Variants in AATK observed in about 807,000 individuals in gnomAD.
AATK encodes the protein lemur tail kinase 1.
In AATK, 91 loss-of-function variants were observed where a neutral mutation model predicts 114.3. The observed-to-expected ratio is 0.80, with a 90% confidence interval of 0.67 to 0.95. The LOEUF is 0.95. Ranked by LOEUF, AATK falls within the 40% of genes least tolerant of loss-of-function variation. AATK has a pLI of 0.00. For synonymous variants in AATK, 1,075 were observed against 916.5 expected (o/e 1.17, Z -3.12); for missense variants, 2,176 against 1,965.2 (o/e 1.11, Z -2.03).
intron 1 of AATK, among the ~76,000 whole-genome samples, chr17:81,137,356 C>T (rs2061026901): frequency 6.6e-6 from 1 of 152,120 alleles, no homozygotes; most frequent in African/African-American, 2.4e-5. Context: ...CCAGTGCGCC[C>T]AGCCCTGTCC....
chr17:81,159,728 TC>T (rs1244563141), intron 1 of AATK, among the ~76,000 whole-genome samples: 1 of 151,374 alleles, frequency 6.6e-6, no homozygotes, highest in African/African-American at 2.4e-5. Flanking sequence ...GAGGACGGCA[TC>T]CCCAGCTCCA....
chr17:81,151,292 C>A lies in AATK; in HGVS notation c.55+14646G>T, dbSNP rs1449735206. Among the ~76,000 whole-genome samples the A allele has an allele frequency of 5.4e-5, 8 of 148,132 alleles. No individual in the cohort carries two copies. The South Asian group carries it at 1.8e-3, about 33-fold the overall frequency. ...CCCAGGCCCAGCCCCACCTGTCTCC[C>A]CCACCGACCCCTCCTGTCTCCCCCC... On this transcript the variant is annotated intron_variant, in intron 1 of 13. Transcript: ENST00000326724.
chr17:81,122,550 G>A lies in AATK; in HGVS notation c.1386C>T (p.Gly462=). ...TCTCGGTCACCGTCAGCACGTCGTC[G>A]CCGTCCGCGTGGAAGCCGTCGCCCG... is the stretch of plus-strand genomic sequence containing the variant. ...QFAGDGFHAD[G]DDVLTVTETS... Residue 462 remains glycine, a synonymous_variant, in exon 11 of 14, where the codon GGC becomes GGT. Coordinates refer to ENST00000326724, the MANE Select transcript of AATK (RefSeq NM_001080395.3). 2.7e-6 allele frequency: 4 copies of A among 1,475,528 alleles called. No homozygotes were observed. The highest frequency in any genetic ancestry group is 5.9e-5 in the East Asian group (2 of 33,992). 91.4% of individuals were successfully genotyped at this position (1,475,528 alleles called of 1,614,324 possible).
intron 2 of AATK, chr17:81,132,075 C>T (rs977969501): frequency 8.0e-7 from 1 of 1,249,058 alleles, no homozygotes; most frequent in Non-Finnish European, 1.1e-6. Flanking sequence ...GATACCCCAC[C>T]CCCAAGTCCA....
rs867234301 is a variant in AATK, at chr17:81,123,280, C to T, written c.1026G>A (p.Ser342=). The T allele has an allele frequency of 1.1e-5, 16 of 1,403,716 alleles. No homozygotes were observed. The highest frequency in any genetic ancestry group is 1.6e-5 in the South Asian group (1 of 63,292). 87.0% of individuals were successfully genotyped at this position (1,403,716 alleles called of 1,614,324 possible). ...CCGTGTACGCCAGCACCTGCTGGTCCGAGTGCTGGGGATAGGGCTGCGTGC... is the reference window on the plus strand; with the variant it reads ...CCGTGTACGCCAGCACCTGCTGGTCTGAGTGCTGGGGATAGGGCTGCGTGC... ...ELGTQPYPQH[S]DQQVLAYTVR... The change falls in exon 10 of 14, where the codon TCG becomes TCA. Residue 342 remains serine (S), a synonymous_variant. Transcript: ENST00000326724.
At chr17:81,137,815 ATG>A (rs2061036906) in intron 1 of AATK, among the ~76,000 whole-genome samples, 1 of 152,048 alleles carries the variant, frequency 6.6e-6, no homozygotes, top group Non-Finnish European at 1.5e-5. Flanking sequence ...ATGAACGTTC[ATG>A]CACAGACATG....
intron 1 of AATK, among the ~76,000 whole-genome samples, chr17:81,157,707 C>A (rs1237317561): frequency 6.6e-6 from 1 of 152,210 alleles, no homozygotes; most frequent in Non-Finnish European, 1.5e-5. Flanking sequence ...AGGGCCTACC[C>A]CAAGGCTGGT....
At chr17:81,134,314 T>C (rs572481158) in intron 2 of AATK, 54 bp downstream of exon 2, 15 of 1,605,832 alleles carry the variant, frequency 9.3e-6, no homozygotes, top group Non-Finnish European at 1.7e-6. Context: ...AAGTGGACGC[T>C]ACAGGCCTTG....
Position 81,127,910 on chromosome 17 carries a change from C to T in AATK, c.415G>A (p.Val139Met). Residue 139 changes from valine (V) to methionine (M), a missense_variant and splice_region_variant, in exon 5 of 14, where the codon GTG (valine) becomes ATG (methionine). Around this residue, in one of 4 missense-constraint regions of AATK, gnomAD observed 24 missense variants for 50.9 expected, o/e 0.47. Transcript: ENST00000326724. ...KEIGRGWFGK[V>M]FLGEVNSGIS... ...CCAGAGTTCACCTCCCCCAGGAACA[C>T]CTGTGGGACAGACAGCATCACCCAC... The T allele has an allele frequency of 6.5e-7, 1 of 1,548,764 alleles. No homozygotes were observed. Among genetic ancestry groups the T allele is most frequent in the South Asian group, 1.2e-5 (1 of 83,978 alleles).
At chr17:81,163,411 C>A (rs912193127) in intron 1 of AATK, among the ~76,000 whole-genome samples, 3 of 152,240 alleles carry the variant, frequency 2.0e-5, no homozygotes, top group South Asian at 2.1e-4. Flanking sequence ...CCATGTGTCA[C>A]CCCCATCACC....
chr17:81,120,239 A>T lies in AATK; in HGVS notation c.3697T>A (p.Ser1233Thr). ...TAGACGGTGACGTCGTCGAAGAAGGACACGGCCTTCTTCTTGCGTTCCAGG... is the reference window on the plus strand; with the variant it reads ...TAGACGGTGACGTCGTCGAAGAAGGTCACGGCCTTCTTCTTGCGTTCCAGG... The part of the protein sequence containing the change: ...EDLERKKKAV[S>T]FFDDVTVYLF... Residue 1233 changes from serine to threonine, a missense_variant, in exon 11 of 14, where the codon TCC becomes ACC. Ser to Thr is a moderately conservative substitution (Grantham distance 58). Coordinates refer to ENST00000326724, the MANE Select transcript of AATK (RefSeq NM_001080395.3). 2 of 1,593,626 alleles carry T rather than the reference A, an allele frequency of 1.3e-6. No homozygotes were observed. Among genetic ancestry groups the T allele is most frequent in the Non-Finnish European group, 1.7e-6 (2 of 1,165,950 alleles).
rs746392822 is a variant in AATK, at chr17:81,134,419, G to A, written c.138C>T (p.Ile46=). ...AGCACAGGCAGGCCAGCATGAGGAC[G>A]ATGACGGCGAAGAGCCCGGAGAAAG... The part of the protein sequence containing the change: ...AVSFSGLFAV[I]VLMLACLCCK... Residue 46 remains isoleucine (I), a synonymous_variant, in exon 2 of 14, where the codon ATC becomes ATT. Transcript: ENST00000326724. The A allele has an allele frequency of 2.6e-5, 42 of 1,613,174 alleles. No individual in the cohort carries two copies. Among genetic ancestry groups the A allele is most frequent in the Admixed American group, 1.0e-4 (6 of 59,992 alleles).
intron 1 of AATK, among the ~76,000 whole-genome samples, chr17:81,161,237 C>T (rs1419059505): frequency 1.3e-5 from 2 of 152,128 alleles, no homozygotes; most frequent in African/African-American, 4.8e-5. Flanking sequence ...AGGGCCACTC[C>T]CTCGAGGCGC....
chr17:81,126,938 G>A lies in AATK; in HGVS notation c.622-378C>T, dbSNP rs1188359431. On this transcript the variant is annotated intron_variant, in intron 6 of 13. Transcript: ENST00000326724. This position sits in a 1 kb window ranked among gnomAD's most constrained non-coding sequence, Gnocchi z 5.1. Reference sequence around the variant, plus strand: ...AAAGCCCAGCCCCGGGACGGTCAACGTCAGGAGTCCAGACGCCAGTGTGTG... The same window carrying A: ...AAAGCCCAGCCCCGGGACGGTCAACATCAGGAGTCCAGACGCCAGTGTGTG... 7 of 816,570 alleles carry A rather than the reference G, an allele frequency of 8.6e-6. No homozygotes were observed. Among genetic ancestry groups the A allele is most frequent in the Middle Eastern group, 5.3e-4 (1 of 1,892 alleles). 50.6% of individuals were successfully genotyped at this position (816,570 alleles called of 1,614,324 possible).
intron 1 of AATK, among the ~76,000 whole-genome samples, chr17:81,138,487 GCA>G (rs1158704052): frequency 3.6e-5 from 5 of 139,376 alleles, no homozygotes; most frequent in Admixed American, 7.2e-5. Context: ...ACACATGCAT[GCA>G]CACACACCCT....
rs766558218 is a variant in AATK, at chr17:81,122,654, G to T, written c.1282C>A (p.Pro428Thr). 6.8e-5 allele frequency: 101 copies of T among 1,491,274 alleles called. No homozygotes were observed. Among genetic ancestry groups the T allele is most frequent in the Non-Finnish European group, 8.9e-5 (99 of 1,116,620 alleles). The allele number at this position is 1,491,274 out of a possible 1,614,324, so 92.4% of individuals were successfully genotyped here. A position where few individuals can be genotyped will look rare whatever the true frequency, so the allele number is the denominator to read the frequency against. ...RPGGGGVGPG[P>T]GAAGPMLGGV... ...CCCAGCATGGGCCCCGCCGCACCGG[G>T]CCCGGGCCCCACGCCGCCCCCGCCG... Residue 428 changes from proline (P) to threonine (T), a missense_variant, in exon 11 of 14, where the codon CCC (proline) becomes ACC (threonine). Around this residue, in one of 4 missense-constraint regions of AATK, gnomAD observed 1,701 missense variants for 1,394.7 expected, o/e 1.22. Transcript: ENST00000326724.
chr17:81,156,277 T>C (rs201250501), intron 1 of AATK, among the ~76,000 whole-genome samples: 22 of 151,274 alleles, frequency 1.5e-4, no homozygotes, highest in Admixed American at 1.0e-3. Context: ...TGTATGTTAC[T>C]ATGTTACAAT....
chr17:81,119,076 C>T (rs1001140321), intron 13 of AATK, among the ~76,000 whole-genome samples: 1 of 152,088 alleles, frequency 6.6e-6, no homozygotes, highest in African/African-American at 2.4e-5. Flanking sequence ...GGTGAGAGGG[C>T]CTGCCGCAGG....
chr17:81,165,547 C>A (rs1406102701), intron 1 of AATK: 5 of 986,322 alleles, frequency 5.1e-6, no homozygotes, highest in South Asian at 1.4e-5. Context: ...CACGCCAGGG[C>A]CCCGGACCCA....
Sources: gnomAD v4.1 joint callset for allele counts (sites outside exome capture counted in the v4.1 genomes callset) on GRCh38, gnomAD v4.1.1 for gene constraint, gnomAD v4.1.1 regional missense constraint, Gnocchi (gnomAD v3.1) non-coding constraint, MANE v1.5 for transcripts, NCBI Gene and HGNC (gene_info 2026-07-23, HGNC 2026-07-21) for gene names.